Variants in ABCC3 observed in about 807,000 individuals in gnomAD.
The protein encoded by ABCC3 is ATP-binding cassette sub-family C member 3.
A neutral mutation model predicts 165.3 loss-of-function variants in ABCC3; 121 were observed. The ratio of observed to expected loss-of-function variants is 0.73; its 90% CI spans 0.63 to 0.85. The LOEUF (loss-of-function observed/expected upper bound fraction) is 0.85, where lower values mean the gene tolerates loss of function less well. ABCC3 is among the 40% of genes least tolerant of loss of function. The pLI is 0.00. For synonymous variants in ABCC3, 733 were observed against 810.1 expected (o/e 0.90, Z 1.62); for missense variants, 1,869 against 1,964.1 (o/e 0.95, Z 0.92).
chr17:50,676,527 C>T lies in ABCC3; in HGVS notation c.3317C>T (p.Ala1106Val), dbSNP rs775474167. The change falls in exon 23 of 31, where the codon GCC (alanine) becomes GTC (valine). Residue 1106 changes from alanine (A) to valine (V), a missense_variant. Coordinates refer to ENST00000285238, the MANE Select transcript of ABCC3 (RefSeq NM_003786.4). ...NAISTLVVIMASTPLFTVVIL... is the reference protein window; with the variant it reads ...NAISTLVVIMVSTPLFTVVIL... Reference sequence around the variant, plus strand: ...ATCTCCACTCTTGTGGTCATCATGGCCAGCACGCCGCTCTTCACTGTGGTC... The same window carrying T: ...ATCTCCACTCTTGTGGTCATCATGGTCAGCACGCCGCTCTTCACTGTGGTC... The T allele has an allele frequency of 3.7e-6, 6 of 1,613,996 alleles. No individual in the cohort carries two copies. The South Asian group carries it at 6.6e-5, about 18-fold the overall frequency.
chr17:50,686,109 G>A (rs922938285), intron 29 of ABCC3, among the ~76,000 whole-genome samples: 2 of 152,188 alleles, frequency 1.3e-5, no homozygotes, highest in Admixed American at 6.5e-5. Context: ...CAGGAGAATC[G>A]CTTGAACCCT....
chr17:50,678,219 G>A lies in ABCC3; in HGVS notation c.3705G>A (p.Gln1235=), dbSNP rs1020350581. 2.0e-6 allele frequency: 3 copies of A among 1,521,186 alleles called. No homozygotes were observed. Among genetic ancestry groups the A allele is most frequent in the Non-Finnish European group, 2.6e-6 (3 of 1,136,708 alleles). 94.2% of individuals were successfully genotyped at this position (1,521,186 alleles called of 1,614,324 possible). A position where few individuals can be genotyped will look rare whatever the true frequency, so the allele number is the denominator to read the frequency against. ...LVGLSVSYSL[Q]VTFALNWMIR... ...GCCTTTCTGTGTCCTACTCCTTGCAGGTATGAAGGGCCTGGACCCCAGGGC... is the reference window on the plus strand; with the variant it reads ...GCCTTTCTGTGTCCTACTCCTTGCAAGTATGAAGGGCCTGGACCCCAGGGC... The change falls in exon 25 of 31, where the codon CAG becomes CAA. Residue 1235 remains glutamine, a splice_region_variant and synonymous_variant. Transcript: ENST00000285238.
chr17:50,679,914 G>A lies in ABCC3; in HGVS notation c.3807+15G>A. On this transcript the variant is annotated intron_variant, in intron 26 of 30. Coordinates refer to ENST00000285238, the MANE Select transcript of ABCC3 (RefSeq NM_003786.4). ...CAGAGACAGAGGTGGGTACTGGCAT[G>A]AGCCCGGGACAGGGGGAATCTGAAG... 1 of 1,605,458 alleles carries A rather than the reference G, an allele frequency of 6.2e-7. No individual in the cohort carries two copies. The highest frequency in any genetic ancestry group is 8.5e-7 in the Non-Finnish European group (1 of 1,172,318).
chr17:50,684,242 G>A, intron 28 of ABCC3, 135 bp downstream of exon 28: 1 of 1,214,638 alleles, frequency 8.2e-7, no homozygotes. Flanking sequence ...CAGACAGCAG[G>A]AAGCAGAGCC....
chr17:50,635,017 C>T lies in ABCC3; in HGVS notation c.45+36C>T, dbSNP rs577905633. On this transcript the variant is annotated intron_variant, in intron 1 of 30. Coordinates refer to ENST00000285238, the MANE Select transcript of ABCC3 (RefSeq NM_003786.4). ...GGGCTCCGGGGTCACTGCGCGGGGG[C>T]CAGGGTCGGCCGGCTTCGCCCGGTC... is the stretch of plus-strand genomic sequence containing the variant. 3.3e-5 allele frequency: 42 copies of T among 1,256,136 alleles called. No individual in the cohort carries two copies. In the East Asian group the frequency reaches 1.3e-3, roughly 38 times the overall value. 77.8% of individuals were successfully genotyped at this position (1,256,136 alleles called of 1,614,324 possible). A position where few individuals can be genotyped will look rare whatever the true frequency, so the allele number is the denominator to read the frequency against.
In ABCC3 at chr17:50,678,151, T is replaced by C. The variant is rs1229449773; in HGVS notation, c.3637T>C (p.Phe1213Leu). The change falls in exon 25 of 31, where the codon TTT becomes CTT. Residue 1213 changes from phenylalanine to leucine, a missense_variant. Physicochemically the swap from Phe to Leu is conservative, Grantham distance 22. Transcript: ENST00000285238. ...GNCVVLFAAL[F>L]AVIGRSSLNP... ...CTGCGTGGTGCTCTTTGCTGCACTA[T>C]TTGCCGTCATCGGGAGGAGCAGCCT... The C allele has an allele frequency of 2.6e-6, 4 of 1,558,392 alleles. No homozygotes were observed. The South Asian group carries it at 5.0e-5, about 19-fold the overall frequency.
Position 50,677,780 on chromosome 17 carries a change from C to A in ABCC3, c.3415C>A (p.Leu1139Met), listed in dbSNP as rs1360519835. 1 of 1,613,950 alleles carries A rather than the reference C, an allele frequency of 6.2e-7. No homozygotes were observed. Among genetic ancestry groups the A allele is most frequent in the African/African-American group, 1.3e-5 (1 of 74,860 alleles). The change falls in exon 24 of 31, where the codon CTG becomes ATG. Residue 1139 changes from leucine to methionine, a missense_variant. Transcript: ENST00000285238. Reference sequence around the variant, plus strand: ...AGCCACATCACGGCAACTGAAGCGGCTGGAATCAGTCAGCCGCTCACCTAT... The same window carrying A: ...AGCCACATCACGGCAACTGAAGCGGATGGAATCAGTCAGCCGCTCACCTAT... ...YAATSRQLKR[L>M]ESVSRSPIYS... is the part of the protein sequence containing the mutation.
Position 50,656,760 on chromosome 17 carries a change from G to A in ABCC3, c.281G>A (p.Gly94Asp). 1 of 1,614,014 alleles carries A rather than the reference G, an allele frequency of 6.2e-7. No homozygotes were observed. Among genetic ancestry groups the A allele is most frequent in the Non-Finnish European group, 8.5e-7 (1 of 1,179,970 alleles). Residue 94 changes from glycine (G) to aspartate (D), a missense_variant, in exon 3 of 31, where the codon GGC becomes GAC. Transcript: ENST00000285238. ...GCGGACCTTTTTTACTCCTTCCATGGCCTGGTCCATGGCCGGGCCCCTGCC... is the reference window on the plus strand; with the variant it reads ...GCGGACCTTTTTTACTCCTTCCATGACCTGGTCCATGGCCGGGCCCCTGCC... ...SWADLFYSFHGLVHGRAPAPV... is the reference protein window; with the variant it reads ...SWADLFYSFHDLVHGRAPAPV...
At chr17:50,683,779 T>C in intron 27 of ABCC3, 23 bp downstream of exon 27, 1 of 1,594,924 alleles carries the variant, frequency 6.3e-7, no homozygotes, top group Non-Finnish European at 8.5e-7. Context: ...TAGGCGGGCC[T>C]GCGTGTGTGT....
Position 50,687,531 on chromosome 17 carries a change from C to G in ABCC3, c.4281-5C>G. The G allele has an allele frequency of 6.2e-7, 1 of 1,612,044 alleles. No homozygotes were observed. On this transcript the variant is annotated splice_region_variant and splice_polypyrimidine_tract_variant and intron_variant, in intron 29 of 30. Transcript: ENST00000285238. ...GCTGGAAATGCCTGCCTTCTCCACT[C>G]CCAGCGTGGGCCAGAGGCAGCTCGT...
intron 26 of ABCC3, among the ~76,000 whole-genome samples, chr17:50,680,937 G>A (rs1423009726): frequency 1.3e-5 from 2 of 152,116 alleles, no homozygotes; most frequent in African/African-American, 2.4e-5. Context: ...ATAGCTGGGC[G>A]TGGTGGTGCA....
intron 26 of ABCC3, among the ~76,000 whole-genome samples, chr17:50,680,426 C>G (rs1967907886): frequency 6.6e-6 from 1 of 152,128 alleles, no homozygotes; most frequent in Non-Finnish European, 1.5e-5. Context: ...ACCGCCCCCT[C>G]TCATGGTCAC....
intron 8 of ABCC3, chr17:50,663,419 G>A: frequency 2.0e-6 from 1 of 501,618 alleles, no homozygotes; most frequent in Non-Finnish European, 3.6e-6. Context: ...AGGCAGGTGA[G>A]GCTGGTGGTG....
chr17:50,649,562 G>A (rs1364664619), intron 1 of ABCC3, among the ~76,000 whole-genome samples: 1 of 147,408 alleles, frequency 6.8e-6, no homozygotes, highest in South Asian at 2.3e-4. Flanking sequence ...ATACCTGGGT[G>A]ACAGAGTGAG....
At chr17:50,658,284 T>C in intron 5 of ABCC3, 77 bp downstream of exon 5, 2 of 1,606,058 alleles carry the variant, frequency 1.2e-6, no homozygotes, top group Admixed American at 1.7e-5. Flanking sequence ...CCCCAACCCC[T>C]CCAGTTCCTT....
chr17:50,676,134 T>C (rs774825203), intron 22 of ABCC3, 44 bp downstream of exon 22: 19 of 1,609,934 alleles, frequency 1.2e-5, no homozygotes, highest in Middle Eastern at 3.3e-4. Context: ...ATATCCCTTC[T>C]TCTCTGGGCT....
In ABCC3 at chr17:50,655,929, C is replaced by T; in HGVS notation, c.143C>T (p.Ala48Val). The T allele has an allele frequency of 6.2e-7, 1 of 1,614,098 alleles. No homozygotes were observed. The highest frequency in any genetic ancestry group is 1.1e-5 in the South Asian group (1 of 91,072). The change falls in exon 2 of 31, where the codon GCC becomes GTC. Residue 48 changes from alanine (A) to valine (V), a missense_variant. Physicochemically the swap from Ala to Val is moderately conservative, Grantham distance 64 (BLOSUM62 0). Coordinates refer to ENST00000285238, the MANE Select transcript of ABCC3 (RefSeq NM_003786.4). ...GTGCCCTGCATCTACCTGTGGGTCG[C>T]CCTGCCCTGCTACTTGCTCTACCTG... ...AWVPCIYLWV[A>V]LPCYLLYLRH... is the part of the protein sequence containing the mutation.
At position 50,692,081 on chromosome 17, in the gene ABCC3, T is replaced by C. The variant is rs567384818; in HGVS notation, c.*881T>C. 2.0e-5 allele frequency: 3 copies of C among 152,380 alleles called. No individual in the cohort carries two copies. Among genetic ancestry groups the C allele is most frequent in the Admixed American group, 6.5e-5 (1 of 15,302 alleles). The allele number at this position is 152,380 out of a possible 1,614,324, so 9.4% of individuals were successfully genotyped here. ...TTCGAAGTCTGTTCCAGACAGTTCC[T>C]ATAACCAGTGAGGCCTCCAAGTCAT... On this transcript the variant is annotated 3_prime_UTR_variant, in exon 31 of 31. Transcript: ENST00000285238.
intron 1 of ABCC3, among the ~76,000 whole-genome samples, chr17:50,655,114 A>G (rs1967198816): frequency 1.5e-5 from 1 of 67,218 alleles, no homozygotes; most frequent in South Asian, 5.7e-4. Context: ...AAAAAAAAAA[A>G]AAAAAGAGTG....
Sources: gnomAD v4.1 joint callset for allele counts (sites outside exome capture counted in the v4.1 genomes callset) on GRCh38, gnomAD v4.1.1 for gene constraint, MANE v1.5 for transcripts, NCBI Gene and HGNC (gene_info 2026-07-23, HGNC 2026-07-21) for gene names.